Variants in SYN3 observed in about 807,000 individuals in gnomAD.
SYN3 encodes the protein synapsin III.
SYN3 carries 35 observed loss-of-function variants against 65.8 expected under a neutral mutation model. The observed-to-expected ratio is 0.53, with a 90% CI of 0.41 to 0.70. The LOEUF (loss-of-function observed/expected upper bound fraction) is 0.70. SYN3 is among the 30% of genes least tolerant of loss of function. The pLI is 0.00. For synonymous variants in SYN3, 270 were observed against 292.9 expected, an observed-to-expected ratio of 0.92 and a Z score of 0.80; for missense variants, 680 against 749.0, an observed-to-expected ratio of 0.91 and a Z score of 1.08.
At chr22:32,678,568 TC>T (rs1433610396) in intron 6 of SYN3, among the ~76,000 whole-genome samples, 1 of 150,094 alleles carries the variant, frequency 6.7e-6, no homozygotes, top group Non-Finnish European at 1.5e-5. Flanking sequence ...TCCTCCTCCT[TC>T]CTCCTCCTCT....
intron 2 of SYN3, among the ~76,000 whole-genome samples, chr22:33,002,936 T>C (rs1425028270): frequency 6.6e-6 from 1 of 152,166 alleles, no homozygotes; most frequent in Non-Finnish European, 1.5e-5. Flanking sequence ...AATTGAACCA[T>C]GGGGGCAGTT....
chr22:32,843,913 G>C (rs1396620631), intron 6 of SYN3, among the ~76,000 whole-genome samples: 1 of 152,130 alleles, frequency 6.6e-6, no homozygotes, highest in Non-Finnish European at 1.5e-5. Flanking sequence ...TCTTTGGAGA[G>C]ACAGGAATGG....
At chr22:32,728,448 A>T (rs1177029005) in intron 6 of SYN3, among the ~76,000 whole-genome samples, 2 of 152,176 alleles carry the variant, frequency 1.3e-5, no homozygotes, top group Non-Finnish European at 2.9e-5. Context: ...TTTTAGCTGG[A>T]AAGCCCTCCC....
intron 4 of SYN3, among the ~76,000 whole-genome samples, chr22:32,909,207 A>T (rs1230318860): frequency 6.6e-6 from 1 of 152,100 alleles, no homozygotes; most frequent in Non-Finnish European, 1.5e-5. Flanking sequence ...TTCATACTCC[A>T]CCTCTGTTCT....
intron 2 of SYN3, among the ~76,000 whole-genome samples, chr22:32,997,764 C>T (rs1445699850): frequency 4.6e-5 from 7 of 152,066 alleles, no homozygotes; most frequent in Admixed American, 4.6e-4. Context: ...CGGTGGCTCA[C>T]GTCTGTAACC....
intron 6 of SYN3, among the ~76,000 whole-genome samples, chr22:32,624,989 G>C (rs887916470): frequency 2.0e-5 from 3 of 152,184 alleles, no homozygotes; most frequent in African/African-American, 7.2e-5. Flanking sequence ...AAAGATCCTG[G>C]CTTCAGAGAC....
chr22:33,010,101 G>A lies in SYN3; in HGVS notation c.-162-3277C>T, dbSNP rs1037455511. ...TACAAAATTAGCTGGGCATGGTGGT[G>A]TATGCCTGTAATCCCAGCTACTTGG... On this transcript the variant is annotated intron_variant, in intron 1 of 13. Transcript: ENST00000358763. Among the ~76,000 whole-genome samples the A allele has an allele frequency of 4.6e-5, 7 of 152,114 alleles. 1 individual carries two copies. Among genetic ancestry groups the A allele is most frequent in the East Asian group, 3.9e-4 (2 of 5,156 alleles).
intron 6 of SYN3, among the ~76,000 whole-genome samples, chr22:32,817,172 T>C (rs2146034132): frequency 6.6e-6 from 1 of 152,036 alleles, no homozygotes; most frequent in East Asian, 1.9e-4. Flanking sequence ...GAGCCATGAT[T>C]GTACCACTGC....
chr22:32,926,328 A>C (rs946200816), intron 4 of SYN3, among the ~76,000 whole-genome samples: 7 of 152,272 alleles, frequency 4.6e-5, no homozygotes, highest in Non-Finnish European at 7.3e-5. Flanking sequence ...GAAGAAGTAC[A>C]TGAAAGTATA....
chr22:32,978,973 G>A (rs915928619), intron 3 of SYN3, among the ~76,000 whole-genome samples: 4 of 152,066 alleles, frequency 2.6e-5, no homozygotes, highest in African/African-American at 9.7e-5. Flanking sequence ...GAGGTCAAGA[G>A]TTTGAGACTA....
intron 7 of SYN3, among the ~76,000 whole-genome samples, chr22:32,577,194 A>G (rs1401838401): frequency 6.6e-6 from 1 of 152,116 alleles, no homozygotes; most frequent in African/African-American, 2.4e-5. Flanking sequence ...GCTTCCCCCC[A>G]TTCTGAGCAG....
intron 4 of SYN3, among the ~76,000 whole-genome samples, chr22:32,883,791 T>C (rs1000923385): frequency 1.3e-5 from 2 of 152,254 alleles, no homozygotes; most frequent in Admixed American, 6.5e-5. Flanking sequence ...GGGTTTGAGA[T>C]TCCTGTCCTA....
intron 7 of SYN3, among the ~76,000 whole-genome samples, chr22:32,569,488 A>G (rs971018414): frequency 1.3e-5 from 2 of 150,618 alleles, no homozygotes; most frequent in African/African-American, 2.4e-5. Context: ...TCTAAAATCT[A>G]TCTGTATCTA....
intron 7 of SYN3, among the ~76,000 whole-genome samples, chr22:32,578,038 T>C (rs2146470283): frequency 6.6e-6 from 1 of 152,390 alleles, no homozygotes; most frequent in South Asian, 2.1e-4. Flanking sequence ...TTGTGTTTGA[T>C]ATTGCATCTC....
Position 33,006,745 on chromosome 22 carries a change from G to T in SYN3, c.-83C>A, listed in dbSNP as rs1344527030. Reference sequence around the variant, plus strand: ...GAAGACAGGCTGCTGCCAGGTACAGGGAGTGGTAGGACTTTAGCCAGAAGA... The same window carrying T: ...GAAGACAGGCTGCTGCCAGGTACAGTGAGTGGTAGGACTTTAGCCAGAAGA... On this transcript the variant is annotated 5_prime_UTR_variant, in exon 2 of 14. Transcript: ENST00000358763. 48 of 1,406,934 alleles carry T rather than the reference G, an allele frequency of 3.4e-5. No homozygotes were observed. Among genetic ancestry groups the T allele is most frequent in the Non-Finnish European group, 4.6e-5 (48 of 1,037,854 alleles). The allele number at this position is 1,406,934 out of a possible 1,614,324, so 87.2% of individuals were successfully genotyped here.
chr22:32,528,966 C>T lies in SYN3; in HGVS notation c.1138G>A (p.Glu380Lys). Residue 380 changes from glutamate (E) to lysine (K), a missense_variant, in exon 11 of 14, where the codon GAG becomes AAG. By Grantham distance (56) the Glu-to-Lys change is moderately conservative (BLOSUM62 1). Transcript: ENST00000358763. ...AGGTCGGCCATCAGCTGTCTGTCCT[C>T]TTCCACATGCTCTCCAATCAGCGGC... Reference protein sequence around the residue: ...SMPLIGEHVEEDRQLMADLVV... With the variant: ...SMPLIGEHVEKDRQLMADLVV... 6.2e-7 allele frequency: 1 copy of T among 1,614,072 alleles called. No individual in the cohort carries two copies. Among genetic ancestry groups the T allele is most frequent in the Non-Finnish European group, 8.5e-7 (1 of 1,180,042 alleles).
intron 3 of SYN3, among the ~76,000 whole-genome samples, chr22:32,936,189 C>A (rs986011228): frequency 6.6e-6 from 1 of 152,200 alleles, no homozygotes; most frequent in Non-Finnish European, 1.5e-5. Flanking sequence ...CCAGAGATTA[C>A]ATATACACTC....
chr22:32,711,187 C>A (rs1001171927), intron 6 of SYN3, among the ~76,000 whole-genome samples: 9 of 152,212 alleles, frequency 5.9e-5, no homozygotes, highest in Admixed American at 3.3e-4. Context: ...CAGCCCATAA[C>A]AGCTGGGTGG....
At chr22:32,587,832 C>A (rs1005575574) in intron 7 of SYN3, among the ~76,000 whole-genome samples, 5 of 152,154 alleles carry the variant, frequency 3.3e-5, no homozygotes, top group African/African-American at 1.2e-4. Flanking sequence ...AACCTGTCAT[C>A]ATTACTCTAG....
Sources: allele counts gnomAD v4.1 joint callset (sites outside exome capture counted in the v4.1 genomes callset), GRCh38; gene constraint gnomAD v4.1.1; transcripts MANE v1.5; gene names NCBI Gene and HGNC (gene_info 2026-07-23, HGNC 2026-07-21).